FLI1: variants seen among roughly 807,000 people sequenced by gnomAD.
FLI1 encodes the protein Friend leukemia integration 1 transcription factor.
A neutral mutation model predicts 53.1 loss-of-function variants in FLI1; 13 were observed. The ratio of observed to expected loss-of-function variants is 0.24; its 90% CI spans 0.16 to 0.39. The LOEUF is 0.39. Ranked by LOEUF, FLI1 falls within the 10% of genes least tolerant of loss-of-function variation. The pLI is 1.00. For missense variants in FLI1, 424 were observed against 600.5 expected (o/e 0.71, Z 3.07); for synonymous variants, 244 against 236.7 (o/e 1.03, Z -0.28).
At chr11:128,756,661 A>G (rs988081401) in intron 1 of FLI1, among the ~76,000 whole-genome samples, 1 of 152,230 alleles carries the variant, frequency 6.6e-6, no homozygotes, top group East Asian at 1.9e-4. Flanking sequence ...CACAACTATT[A>G]TCACAATTAT....
chr11:128,736,248 AGC>A (rs1398700924), intron 1 of FLI1, among the ~76,000 whole-genome samples: 1 of 151,550 alleles, frequency 6.6e-6, no homozygotes, highest in East Asian at 1.9e-4. Flanking sequence ...ATATATGCAG[AGC>A]AATCAGACAT....
chr11:128,723,471 G>A (rs530840488), intron 1 of FLI1, among the ~76,000 whole-genome samples: 31 of 152,240 alleles, frequency 2.0e-4, no homozygotes, highest in African/African-American at 7.2e-4. Context: ...GTAATCTTAG[G>A]AAATTTGTGC....
intron 1 of FLI1, among the ~76,000 whole-genome samples, chr11:128,697,315 A>G (rs1938122897): frequency 6.6e-6 from 1 of 152,232 alleles, no homozygotes; most frequent in Admixed American, 6.5e-5. Context: ...GAAGACAGAC[A>G]TGGTGAATGA....
chr11:128,800,680 A>C (rs777381516), intron 5 of FLI1, among the ~76,000 whole-genome samples: 36 of 152,308 alleles, frequency 2.4e-4, no homozygotes, highest in Non-Finnish European at 3.2e-4. Flanking sequence ...CTCTCCTGGA[A>C]TCTAAGAGGC....
At chr11:128,687,191 C>G (rs559321849) in intron 1 of FLI1, among the ~76,000 whole-genome samples, 1 of 152,178 alleles carries the variant, frequency 6.6e-6, no homozygotes, top group Non-Finnish European at 1.5e-5. Flanking sequence ...GCTCAGTCCT[C>G]GAGCCCACCT....
At chr11:128,699,542 A>C (rs539988888) in intron 1 of FLI1, among the ~76,000 whole-genome samples, 4 of 152,300 alleles carry the variant, frequency 2.6e-5, no homozygotes, top group Admixed American at 2.6e-4. Flanking sequence ...TCTCAGAGTT[A>C]TACAGGTGTC....
chr11:128,694,662 G>C (rs1377790253), intron 1 of FLI1, among the ~76,000 whole-genome samples: 1 of 152,008 alleles, frequency 6.6e-6, no homozygotes, highest in Non-Finnish European at 1.5e-5. Context: ...TGGCCCCAGC[G>C]CTAGGCACTG....
At chr11:128,721,131 C>T (rs572931309) in intron 1 of FLI1, among the ~76,000 whole-genome samples, 1 of 152,184 alleles carries the variant, frequency 6.6e-6, no homozygotes, top group Non-Finnish European at 1.5e-5. Context: ...TCTCTGTGAG[C>T]CCCTTAAGAC....
At chr11:128,747,307 C>T (rs554850580) in intron 1 of FLI1, among the ~76,000 whole-genome samples, 13 of 152,288 alleles carry the variant, frequency 8.5e-5, no homozygotes, top group East Asian at 1.9e-4. Context: ...TTTTTCATGA[C>T]GGGTACAGCC....
intron 1 of FLI1, among the ~76,000 whole-genome samples, chr11:128,703,248 T>C (rs573302729): frequency 6.6e-6 from 1 of 152,336 alleles, no homozygotes; most frequent in African/African-American, 2.4e-5. Flanking sequence ...TATGACTTGG[T>C]ATAATCTTTC....
chr11:128,757,074 T>TTCTC (rs1940911714), intron 1 of FLI1, among the ~76,000 whole-genome samples: 1 of 145,842 alleles, frequency 6.9e-6, no homozygotes, highest in Non-Finnish European at 1.5e-5. Context: ...CTTTCTTTCT[T>TTCTC]TCTTTCTTTC....
intron 1 of FLI1, among the ~76,000 whole-genome samples, chr11:128,717,507 C>T (rs968865575): frequency 3.9e-5 from 6 of 152,148 alleles, no homozygotes; most frequent in Non-Finnish European, 7.4e-5. Context: ...GAGGGTCTAC[C>T]CCAAAGGGCA....
At chr11:128,702,286 C>T (rs1434013080) in intron 1 of FLI1, among the ~76,000 whole-genome samples, 1 of 152,188 alleles carries the variant, frequency 6.6e-6, no homozygotes, top group Non-Finnish European at 1.5e-5. Flanking sequence ...TTCTTCCAGG[C>T]TTTGAGAGAG....
intron 3 of FLI1, among the ~76,000 whole-genome samples, chr11:128,769,772 C>A (rs547320112): frequency 1.3e-5 from 2 of 152,202 alleles, no homozygotes; most frequent in Admixed American, 6.5e-5. Flanking sequence ...CCAGGCACCA[C>A]GTAAATTGCT....
chr11:128,768,633 G>A (rs1941441718), intron 3 of FLI1: 2 of 224,004 alleles, frequency 8.9e-6, no homozygotes, highest in African/African-American at 2.3e-5. Flanking sequence ...AGGTTGCAGG[G>A]AGCCAAGATC....
chr11:128,737,665 C>T (rs186130395), intron 1 of FLI1, among the ~76,000 whole-genome samples: 1 of 152,292 alleles, frequency 6.6e-6, no homozygotes, highest in Admixed American at 6.5e-5. Context: ...ATCTCACTTC[C>T]CATCCTAGAA....
intron 1 of FLI1, among the ~76,000 whole-genome samples, chr11:128,712,451 A>G (rs193042019): frequency 3.9e-5 from 6 of 152,306 alleles, no homozygotes; most frequent in Admixed American, 3.9e-4. Context: ...GTGCTGTTCT[A>G]TGGTACACTG....
At chr11:128,791,809 A>T (rs911958650) in intron 5 of FLI1, among the ~76,000 whole-genome samples, 1 of 152,188 alleles carries the variant, frequency 6.6e-6, no homozygotes, top group Non-Finnish European at 1.5e-5. Flanking sequence ...GCAGATTTCA[A>T]TCACAAGATG....
At chr11:128,720,670 G>A (rs903075144) in intron 1 of FLI1, among the ~76,000 whole-genome samples, 6 of 152,142 alleles carry the variant, frequency 3.9e-5, no homozygotes, top group Admixed American at 3.9e-4. Context: ...TTTTTGCATA[G>A]GCTGTCTGAT....
Sources: allele counts gnomAD v4.1 joint callset (sites outside exome capture counted in the v4.1 genomes callset), GRCh38; gene constraint gnomAD v4.1.1; transcripts MANE v1.5; gene names NCBI Gene and HGNC (gene_info 2026-07-23, HGNC 2026-07-21).